Variants in IL1RAPL1 observed in about 807,000 individuals in gnomAD.
IL1RAPL1 encodes interleukin-1 receptor accessory protein-like 1.
Under a neutral mutation model 48.4 loss-of-function variants are expected in IL1RAPL1, and 3 were observed. The observed-to-expected ratio is 0.06, with a 90% CI of 0.03 to 0.16. The LOEUF is 0.16. IL1RAPL1 is among the 10% of genes least tolerant of loss of function. The pLI is 1.00. For missense variants in IL1RAPL1, 349 were observed against 530.6 expected, an observed-to-expected ratio of 0.66 and a Z score of 3.36; for synonymous variants, 185 against 187.7, an observed-to-expected ratio of 0.99 and a Z score of 0.12.
At chrX:29,177,657 C>T (rs1333520523) in intron 2 of IL1RAPL1, among the ~76,000 whole-genome samples, 1 of 111,830 alleles carries the variant, frequency 8.9e-6, no homozygotes, top group Non-Finnish European at 1.9e-5. Context: ...AGGTTTGTTA[C>T]ATAGGTATAC....
intron 2 of IL1RAPL1, among the ~76,000 whole-genome samples, chrX:28,926,409 ATATC>A (rs1432789063): frequency 9.0e-6 from 1 of 111,515 alleles, no homozygotes; most frequent in Non-Finnish European, 1.9e-5. Context: ...TTTTCTGAAA[ATATC>A]TAGTATTGTT....
intron 1 of IL1RAPL1, among the ~76,000 whole-genome samples, chrX:28,709,887 C>T (rs1200769606): frequency 5.4e-5 from 6 of 110,866 alleles, no homozygotes; most frequent in Non-Finnish European, 7.5e-5. Context: ...ATTCCACAGA[C>T]GTACTTATAC....
chrX:28,661,228 T>C (rs1016751120), intron 1 of IL1RAPL1, among the ~76,000 whole-genome samples: 2 of 112,208 alleles, frequency 1.8e-5, no homozygotes, highest in South Asian at 3.6e-4. Flanking sequence ...TCTAGTCCCA[T>C]ACATATGTTC....
chrX:29,035,341 T>C (rs1327540085), intron 2 of IL1RAPL1, among the ~76,000 whole-genome samples: 1 of 111,781 alleles, frequency 8.9e-6, no homozygotes, highest in African/African-American at 3.3e-5. Context: ...AGCAGAATAA[T>C]GAATGCAAAA....
intron 2 of IL1RAPL1, among the ~76,000 whole-genome samples, chrX:28,947,079 C>T (rs538056211): frequency 9.0e-6 from 1 of 111,566 alleles, no homozygotes; most frequent in South Asian, 3.7e-4. Flanking sequence ...TTTCTTTTGA[C>T]CATGCAATGT....
At chrX:29,652,332 A>C (rs891844695) in intron 5 of IL1RAPL1, among the ~76,000 whole-genome samples, 1 of 111,769 alleles carries the variant, frequency 8.9e-6, no homozygotes, top group Non-Finnish European at 1.9e-5. Context: ...AGGTAAACAG[A>C]TTGTGTTTAA....
At chrX:29,002,299 T>C (rs1052853804) in intron 2 of IL1RAPL1, among the ~76,000 whole-genome samples, 1 of 111,423 alleles carries the variant, frequency 9.0e-6, no homozygotes, top group Non-Finnish European at 1.9e-5. Context: ...CCCAAAGGAA[T>C]ACTTATTATA....
intron 2 of IL1RAPL1, among the ~76,000 whole-genome samples, chrX:29,005,672 G>A (rs1925960889): frequency 9.0e-6 from 1 of 111,530 alleles, no homozygotes; most frequent in Non-Finnish European, 1.9e-5. Context: ...TGCGAGTAAA[G>A]ACGTGTCTTA....
intron 1 of IL1RAPL1, among the ~76,000 whole-genome samples, chrX:28,750,592 T>C (rs758892555): frequency 1.8e-5 from 2 of 112,089 alleles, no homozygotes; most frequent in South Asian, 3.7e-4. Context: ...TCCTTTGTTA[T>C]GTTACTCATA....
intron 2 of IL1RAPL1, among the ~76,000 whole-genome samples, chrX:29,134,170 GT>G (rs979647574): frequency 1.8e-5 from 2 of 111,600 alleles, no homozygotes; most frequent in Admixed American, 1.9e-4. Flanking sequence ...TTGTGTGCAG[GT>G]TTTTTTGTGG....
chrX:29,287,496 C>T (rs994226363), intron 3 of IL1RAPL1, among the ~76,000 whole-genome samples: 1 of 112,331 alleles, frequency 8.9e-6, no homozygotes, highest in Non-Finnish European at 1.9e-5. Context: ...TGAGAAAGAA[C>T]CAAACTATTT....
At chrX:29,282,913 TTCTC>T (rs1932225093) in intron 2 of IL1RAPL1, 21 bp from the exon 3 acceptor site, 1 of 1,205,216 alleles carries the variant, frequency 8.3e-7, no homozygotes, top group Admixed American at 2.2e-5. Flanking sequence ...TTTCCTCTCT[TTCTC>T]TGTCTCTTTT....
At chrX:28,941,592 T>C (rs1924164065) in intron 2 of IL1RAPL1, among the ~76,000 whole-genome samples, 1 of 111,283 alleles carries the variant, frequency 9.0e-6, no homozygotes, top group Admixed American at 9.6e-5. Flanking sequence ...CACTTAAAGA[T>C]GCTGCTTTAA....
intron 5 of IL1RAPL1, among the ~76,000 whole-genome samples, chrX:29,433,835 CT>C (rs1934449625): frequency 9.1e-6 from 1 of 109,480 alleles, no homozygotes; most frequent in African/African-American, 3.3e-5. Context: ...TTTTTTTTTA[CT>C]TTTTTTCTTT....
At chrX:29,743,941 T>C (rs755435073) in intron 6 of IL1RAPL1, among the ~76,000 whole-genome samples, 1 of 111,958 alleles carries the variant, frequency 8.9e-6, no homozygotes, top group Non-Finnish European at 1.9e-5. Context: ...GAAGTTCTTT[T>C]TCTGAAACGT....
intron 2 of IL1RAPL1, among the ~76,000 whole-genome samples, chrX:28,932,363 T>G (rs1285011749): frequency 8.9e-6 from 1 of 111,805 alleles, no homozygotes; most frequent in Non-Finnish European, 1.9e-5. Context: ...ATCTCTTATC[T>G]TTAAAAAATA....
intron 2 of IL1RAPL1, among the ~76,000 whole-genome samples, chrX:28,883,349 C>T (rs751901879): frequency 8.9e-6 from 1 of 111,757 alleles, no homozygotes; most frequent in Non-Finnish European, 1.9e-5. Context: ...ATAGCTCTGT[C>T]CAATAGAAAT....
intron 5 of IL1RAPL1, among the ~76,000 whole-genome samples, chrX:29,646,830 A>C (rs765785243): frequency 2.7e-5 from 3 of 111,556 alleles, no homozygotes; most frequent in African/African-American, 9.8e-5. Context: ...AAGGAAAAAC[A>C]TGCCCACCAA....
At chrX:29,360,396 T>C (rs760385099) in intron 3 of IL1RAPL1, among the ~76,000 whole-genome samples, 13 of 111,876 alleles carry the variant, frequency 1.2e-4, no homozygotes, top group Admixed American at 1.9e-4. Flanking sequence ...TAACTGTGTT[T>C]CTTAGGATCA....
Sources: allele counts gnomAD v4.1 joint callset (sites outside exome capture counted in the v4.1 genomes callset), GRCh38; gene constraint gnomAD v4.1.1; transcripts MANE v1.5; gene names NCBI Gene and HGNC (gene_info 2026-07-23, HGNC 2026-07-21).